ZNF236: variants seen among roughly 807,000 people sequenced by gnomAD.
ZNF236 encodes the protein regulated by glucose.
Under a neutral mutation model 191.2 loss-of-function variants are expected in ZNF236, and 50 were observed. That is an observed-to-expected ratio of 0.26 (90% CI 0.21 to 0.33). ZNF236 has a LOEUF of 0.33. ZNF236 is among the 10% of genes least tolerant of loss of function. The pLI is 1.00. For synonymous variants in ZNF236, 907 were observed against 928.8 expected (o/e 0.98, Z 0.43); for missense variants, 1,754 against 2,374.5 (o/e 0.74, Z 5.43).
chr18:76,918,389 A>G (rs537936596), intron 19 of ZNF236, among the ~76,000 whole-genome samples: 2 of 152,296 alleles, frequency 1.3e-5, no homozygotes, highest in South Asian at 4.1e-4. Flanking sequence ...CCATCTCTAG[A>G]TCACTTATAA....
In ZNF236 at chr18:76,899,086, C is replaced by T. The variant is rs760683255; in HGVS notation, c.1758C>T (p.His586=). The change falls in exon 11 of 31, where the codon CAC becomes CAT. Residue 586 remains histidine, a synonymous_variant. Coordinates refer to ENST00000320610, the MANE Select transcript of ZNF236 (RefSeq NM_001306089.2). ...KFRTSGHRKT[H]IASHFKHTEL... is the part of the protein sequence containing the mutation. The stretch of plus-strand genomic sequence containing the variant: ...GAACCTCAGGCCATAGGAAGACTCA[C>T]ATTGCTTCCCACTTTAAACATACGG... 6.2e-7 allele frequency: 1 copy of T among 1,614,152 alleles called. No homozygotes were observed. Among genetic ancestry groups the T allele is most frequent in the Non-Finnish European group, 8.5e-7 (1 of 1,179,994 alleles).
chr18:76,839,807 T>C (rs979774967), intron 1 of ZNF236, among the ~76,000 whole-genome samples: 1 of 152,224 alleles, frequency 6.6e-6, no homozygotes, highest in Non-Finnish European at 1.5e-5. Flanking sequence ...TGTGTGTTGT[T>C]TTGATGTTCA....
chr18:76,965,481 A>G (rs1968749411), intron 30 of ZNF236, among the ~76,000 whole-genome samples: 1 of 152,028 alleles, frequency 6.6e-6, no homozygotes, highest in South Asian at 2.1e-4. Context: ...ATATTACCAG[A>G]GTTGGTTTTT....
At chr18:76,954,544 A>G (rs1191905536) in intron 27 of ZNF236, among the ~76,000 whole-genome samples, 1 of 152,220 alleles carries the variant, frequency 6.6e-6, no homozygotes, top group Non-Finnish European at 1.5e-5. Context: ...AGTGACCTCA[A>G]CAGGCATGTG....
rs751682529 is a variant in ZNF236, at chr18:76,927,473, G to A, written c.4370G>A (p.Gly1457Asp). The change falls in exon 24 of 31, where the codon GGC (glycine) becomes GAC (aspartate). Residue 1457 changes from glycine to aspartate, a missense_variant. Physicochemically the swap from Gly to Asp is moderately conservative, Grantham distance 94. Transcript: ENST00000320610. This position sits in a 1 kb window ranked among gnomAD's most constrained non-coding sequence, Gnocchi z 5.4. ...PTVTSANLTI[G>D]PLSEQDSVLT... is the part of the protein sequence containing the mutation. ...GTGACCTCTGCGAACCTGACCATAG[G>A]CCCGCTGTCTGAGCAGGATTCAGTG... is the stretch of plus-strand genomic sequence containing the variant. The A allele has an allele frequency of 3.1e-6, 5 of 1,614,042 alleles. No homozygotes were observed. In the South Asian group the frequency reaches 5.5e-5, roughly 18 times the overall value.
Position 76,875,507 on chromosome 18 carries a change from A to G in ZNF236, c.683A>G (p.Lys228Arg). Residue 228 changes from lysine to arginine, a missense_variant, in exon 6 of 31, where the codon AAA (lysine) becomes AGA (arginine). Coordinates refer to ENST00000320610, the MANE Select transcript of ZNF236 (RefSeq NM_001306089.2). This position sits in a 1 kb window ranked among gnomAD's most constrained non-coding sequence, Gnocchi z 4.3. ...IRIHTGERPF[K>R]CSECGKAFNQ... ...CCCACTCTAGGTGAAAGGCCGTTCAAATGTAGTGAATGTGGAAAGGCTTTT... is the reference window on the plus strand; with the variant it reads ...CCCACTCTAGGTGAAAGGCCGTTCAGATGTAGTGAATGTGGAAAGGCTTTT... 1 of 1,538,792 alleles carries G rather than the reference A, an allele frequency of 6.5e-7. No individual in the cohort carries two copies. Among genetic ancestry groups the G allele is most frequent in the Non-Finnish European group, 8.8e-7 (1 of 1,137,982 alleles).
intron 25 of ZNF236, among the ~76,000 whole-genome samples, chr18:76,934,034 A>G (rs78674404): frequency 1.1e-3 from 162 of 152,382 alleles, no homozygotes; most frequent in African/African-American, 3.8e-3. Context: ...TCTAATGCCC[A>G]TACAAAACTT....
intron 9 of ZNF236, 50 bp from the exon 10 acceptor site, chr18:76,894,963 C>A: frequency 6.3e-7 from 1 of 1,591,730 alleles, no homozygotes; most frequent in East Asian, 2.2e-5. Context: ...CTGGACCTGA[C>A]CCTAGGCGGG....
At chr18:76,931,190 A>G (rs954780513) in intron 25 of ZNF236, 2 of 152,150 alleles carry the variant, frequency 1.3e-5, no homozygotes, top group African/African-American at 4.8e-5. Flanking sequence ...ATAAGCAATG[A>G]TCAGCTTCTC....
intron 20 of ZNF236, among the ~76,000 whole-genome samples, chr18:76,922,287 AGGCCACCAGAG>A (rs1191780034): frequency 6.6e-6 from 1 of 152,110 alleles, no homozygotes; most frequent in Non-Finnish European, 1.5e-5. Context: ...AGTCTGGCAA[AGGCCACCAGAG>A]GGCCGTGTGC....
chr18:76,927,215 A>G lies in ZNF236; in HGVS notation c.4173+33A>G, dbSNP rs373424733. 1.2e-5 allele frequency: 20 copies of G among 1,611,690 alleles called. No individual in the cohort carries two copies. In the African/African-American group the frequency reaches 2.5e-4, roughly 20 times the overall value. On this transcript the variant is annotated intron_variant, in intron 23 of 30. Coordinates refer to ENST00000320610, the MANE Select transcript of ZNF236 (RefSeq NM_001306089.2). The surrounding 1 kb of genome is among the most constrained non-coding windows in gnomAD (Gnocchi z 5.4). ...ACCTTCCATGGTCTCCTGTGCTGTA[A>G]TTCTCTTGGCATCACAGAGAAGCAT...
Position 76,904,389 on chromosome 18 carries a change from A to G in ZNF236, c.1904A>G (p.Gln635Arg). ...TTCTTTTGCTTTGTAGGTCTCATCC[A>G]GCCCATTCCAAAAAACCAGTTTTTC... The part of the protein sequence containing the change: ...PILITDLGLI[Q>R]PIPKNQFFQS... The change falls in exon 12 of 31, where the codon CAG becomes CGG. Residue 635 changes from glutamine (Q) to arginine (R), a missense_variant. By Grantham distance (43) the Gln-to-Arg change is conservative. Transcript: ENST00000320610. 1 of 1,608,732 alleles carries G rather than the reference A, an allele frequency of 6.2e-7. No homozygotes were observed. The highest frequency in any genetic ancestry group is 8.5e-7 in the Non-Finnish European group (1 of 1,177,852).
intron 1 of ZNF236, among the ~76,000 whole-genome samples, chr18:76,846,152 A>G (rs775483151): frequency 3.9e-5 from 6 of 151,996 alleles, no homozygotes; most frequent in African/African-American, 1.5e-4. Context: ...CAGTCTCGCT[A>G]TATTGCCCAG....
rs181515212 is a variant in ZNF236, at chr18:76,891,357, T to A, written c.1418-3656T>A. Reference sequence around the variant, plus strand: ...ATTATGGAAAGATAACCTCTTCTCTTATATCTGACTTTTATAATTTAATAG... The same window carrying A: ...ATTATGGAAAGATAACCTCTTCTCTAATATCTGACTTTTATAATTTAATAG... On this transcript the variant is annotated intron_variant, in intron 9 of 30. Coordinates refer to ENST00000320610, the MANE Select transcript of ZNF236 (RefSeq NM_001306089.2). 2.6e-4 allele frequency among the ~76,000 whole-genome samples: 40 copies of A among 152,316 alleles called. No individual in the cohort carries two copies. The East Asian group carries it at 7.7e-3, about 29-fold the overall frequency.
At chr18:76,895,431 C>A in intron 10 of ZNF236, 146 bp downstream of exon 10, 1 of 1,150,318 alleles carries the variant, frequency 8.7e-7, no homozygotes, top group Non-Finnish European at 1.2e-6. Flanking sequence ...CACAAAGTAT[C>A]ACACACAGTA....
chr18:76,900,000 C>T (rs1252781339), intron 11 of ZNF236, among the ~76,000 whole-genome samples: 3 of 152,176 alleles, frequency 2.0e-5, no homozygotes, highest in African/African-American at 7.2e-5. Context: ...CTACCTCTTA[C>T]TACATGAATT....
chr18:76,846,429 C>G (rs1376529732), intron 1 of ZNF236, among the ~76,000 whole-genome samples: 2 of 152,190 alleles, frequency 1.3e-5, no homozygotes, highest in Non-Finnish European at 2.9e-5. Context: ...TGGAGGCCAC[C>G]ACGTCCTGGC....
At position 76,880,325 on chromosome 18, in the gene ZNF236, C is replaced by T. The variant is rs762939310; in HGVS notation, c.1188+9C>T. 2.2e-5 allele frequency: 36 copies of T among 1,605,536 alleles called. No homozygotes were observed. Among genetic ancestry groups the T allele is most frequent in the African/African-American group, 1.9e-4 (14 of 74,724 alleles). On this transcript the variant is annotated intron_variant, in intron 8 of 30. Coordinates refer to ENST00000320610, the MANE Select transcript of ZNF236 (RefSeq NM_001306089.2). This position sits in a 1 kb window ranked among gnomAD's most constrained non-coding sequence, Gnocchi z 5.0. ...ACCAGGACATTTTACAGGTGAAGCA[C>T]GCTTCCCTGCGGTGTGAGGCTTACG...
chr18:76,851,469 T>C (rs1975868595), intron 2 of ZNF236, among the ~76,000 whole-genome samples: 1 of 152,170 alleles, frequency 6.6e-6, no homozygotes, highest in South Asian at 2.1e-4. Context: ...AAAGGTTATC[T>C]TTGAAAGGTG....
Sources: allele counts gnomAD v4.1 joint callset (sites outside exome capture counted in the v4.1 genomes callset), GRCh38; gene constraint gnomAD v4.1.1; non-coding constraint Gnocchi (gnomAD v3.1); transcripts MANE v1.5; gene names NCBI Gene and HGNC (gene_info 2026-07-23, HGNC 2026-07-21).